The following BCLAF1 variants were observed in gnomAD, a reference collection of about 807,000 sequenced individuals.
BCLAF1 encodes the protein bcl-2-associated transcription factor 1.
A neutral mutation model predicts 99.5 loss-of-function variants in BCLAF1; 10 were observed. The observed-to-expected ratio is 0.10, with a 90% confidence interval of 0.06 to 0.17. The LOEUF is 0.17. Among genes scored for constraint, BCLAF1 ranks in the 10% least tolerant of loss-of-function variants. The probability of loss-of-function intolerance (pLI) is 1.00; values close to 1 mark genes in which losing one functional copy is unlikely to be tolerated. For missense variants in BCLAF1, 636 were observed against 1,105.8 expected (o/e 0.58, Z 6.02); for synonymous variants, 255 against 370.9 (o/e 0.69, Z 3.59).
rs1417616833 is a variant in BCLAF1 at position 136,259,704 on chromosome 6, C to A, written c.*1406G>T. ...TCTAGGTGCTAGACGCACTGCAAAT[C>A]CTCGAAAGTGTTTAAGATGAAAGAG... On this transcript the variant is annotated 3_prime_UTR_variant, in exon 13 of 13. Transcript: ENST00000531224. 6.6e-6 allele frequency: 1 copy of A among 151,900 alleles called. No homozygotes were observed. Among genetic ancestry groups the A allele is most frequent in the Non-Finnish European group, 1.5e-5 (1 of 67,890 alleles). The allele number at this position is 151,900 out of a possible 1,614,324, so 9.4% of individuals were successfully genotyped here. A position where few individuals can be genotyped will look rare whatever the true frequency, so the allele number is the denominator to read the frequency against.
chr6:136,266,189 T>C (rs367804705), intron 11 of BCLAF1, among the ~76,000 whole-genome samples: 10 of 152,250 alleles, frequency 6.6e-5, no homozygotes, highest in Admixed American at 2.0e-4. Flanking sequence ...GTCATGGACA[T>C]TCAGGTTTAT....
At chr6:136,285,068 T>C (rs542384189) in intron 1 of BCLAF1, among the ~76,000 whole-genome samples, 4 of 151,968 alleles carry the variant, frequency 2.6e-5, no homozygotes, top group African/African-American at 9.7e-5. Context: ...GGGTATGAAA[T>C]AGGGCAGCAG....
chr6:136,288,812 C>T (rs1031209442), intron 1 of BCLAF1, among the ~76,000 whole-genome samples: 2 of 152,214 alleles, frequency 1.3e-5, no homozygotes, highest in African/African-American at 4.8e-5. Context: ...ATTTCTCACA[C>T]CAGCTGTCCA....
At chr6:136,266,825 T>C (rs901152446) in intron 11 of BCLAF1, among the ~76,000 whole-genome samples, 1 of 152,058 alleles carries the variant, frequency 6.6e-6, no homozygotes, top group Non-Finnish European at 1.5e-5. Context: ...GATCAGCCTA[T>C]GTTTAATATC....
Position 136,257,643 on chromosome 6 carries a change from G to T in BCLAF1, c.*3467C>A, listed in dbSNP as rs1344249868. On this transcript the variant is annotated 3_prime_UTR_variant, in exon 13 of 13. Coordinates refer to ENST00000531224, the MANE Select transcript of BCLAF1 (RefSeq NM_014739.3). ...TTTAATAATAGTATCAACTATTTGAGAACTCTAAACATGTAATGGATATTA... is the reference window on the plus strand; with the variant it reads ...TTTAATAATAGTATCAACTATTTGATAACTCTAAACATGTAATGGATATTA... 1 of 152,078 alleles carries T rather than the reference G, an allele frequency of 6.6e-6. No individual in the cohort carries two copies. The highest frequency in any genetic ancestry group is 1.5e-5 in the Non-Finnish European group (1 of 67,956). The allele number at this position is 152,078 out of a possible 1,614,324, so 9.4% of individuals were successfully genotyped here.
At chr6:136,271,121 C>A (rs1240824851) in intron 8 of BCLAF1, among the ~76,000 whole-genome samples, 1 of 151,618 alleles carries the variant, frequency 6.6e-6, no homozygotes, top group African/African-American at 2.4e-5. Flanking sequence ...TTCAAAATAA[C>A]CCAATTATTC....
At chr6:136,273,371 G>A (rs142257137) in intron 6 of BCLAF1, 184 bp from the exon 7 acceptor site, 22 of 543,640 alleles carry the variant, frequency 4.0e-5, no homozygotes, top group South Asian at 1.6e-4. Flanking sequence ...AGAGTGTTTC[G>A]AAAGTTGCTC....
At chr6:136,262,094 A>G (rs1168954012) in intron 11 of BCLAF1, among the ~76,000 whole-genome samples, 2 of 152,142 alleles carry the variant, frequency 1.3e-5, no homozygotes, top group Non-Finnish European at 2.9e-5. Flanking sequence ...TCATCAATCT[A>G]AAGTACTGCA....
At position 136,276,111 on chromosome 6, in the gene BCLAF1, T is replaced by C. The variant is rs1157260943; in HGVS notation, c.1414A>G (p.Ser472Gly). ...TCTTTGTGCTTATCTTTTGTAGTGC[T>C]AGGCCTTTCCACTACATATCCAGTC... The part of the protein sequence containing the change: ...KETGYVVERP[S>G]TTKDKHKEED... The change falls in exon 5 of 13, where the codon AGC becomes GGC. Residue 472 changes from serine (S) to glycine (G), a missense_variant. Ser to Gly is a moderately conservative substitution (Grantham distance 56). Around this residue, in one of 9 missense-constraint regions of BCLAF1, gnomAD observed 186 missense variants for 275.3 expected, o/e 0.68. Transcript: ENST00000531224. The C allele has an allele frequency of 6.2e-7, 1 of 1,612,370 alleles. No individual in the cohort carries two copies. The highest frequency in any genetic ancestry group is 1.1e-5 in the South Asian group (1 of 90,756).
intron 1 of BCLAF1, among the ~76,000 whole-genome samples, 189 bp downstream of exon 1, chr6:136,289,524 G>A (rs1161769305): frequency 1.3e-5 from 2 of 152,144 alleles, no homozygotes; most frequent in African/African-American, 2.4e-5. Context: ...GCCCCCGCCC[G>A]GCCTTTTCGG....
rs1426040782 is a variant in BCLAF1, at chr6:136,258,919, C to A, written c.*2191G>T. On this transcript the variant is annotated 3_prime_UTR_variant, in exon 13 of 13. Coordinates refer to ENST00000531224, the MANE Select transcript of BCLAF1 (RefSeq NM_014739.3). Reference sequence around the variant, plus strand: ...ATATCCTTTGGTTCATTTTTATTGCCCCTCTCTAGGCAAAACAAAGTATGT... The same window carrying A: ...ATATCCTTTGGTTCATTTTTATTGCACCTCTCTAGGCAAAACAAAGTATGT... 3 of 152,362 alleles carry A rather than the reference C, an allele frequency of 2.0e-5. No homozygotes were observed. Among genetic ancestry groups the A allele is most frequent in the African/African-American group, 7.2e-5 (3 of 41,402 alleles). 9.4% of individuals were successfully genotyped at this position (152,362 alleles called of 1,614,324 possible).
chr6:136,287,076 G>T (rs1417477300), intron 1 of BCLAF1, among the ~76,000 whole-genome samples: 1 of 152,056 alleles, frequency 6.6e-6, no homozygotes, highest in East Asian at 1.9e-4. Flanking sequence ...GGAGGCAGAG[G>T]TTGCAGTCAG....
At chr6:136,279,553 C>T (rs1399950383) in intron 3 of BCLAF1, 1 of 377,890 alleles carries the variant, frequency 2.6e-6, no homozygotes, top group African/African-American at 2.1e-5. Context: ...GTCAGACTAA[C>T]TGGATTTCAA....
rs1434897305 is a variant in BCLAF1, at chr6:136,260,013, G to A, written c.*1097C>T. ...TCTACAAAAACTGCAACTGAAATGG[G>A]GGGGAAAAAGGTTAGATCAATGCCG... is the stretch of plus-strand genomic sequence containing the variant. On this transcript the variant is annotated 3_prime_UTR_variant, in exon 13 of 13. Coordinates refer to ENST00000531224, the MANE Select transcript of BCLAF1 (RefSeq NM_014739.3). 6.6e-6 allele frequency: 1 copy of A among 151,990 alleles called. No homozygotes were observed. Among genetic ancestry groups the A allele is most frequent in the South Asian group, 2.1e-4 (1 of 4,836 alleles). The allele number at this position is 151,990 out of a possible 1,614,324, so 9.4% of individuals were successfully genotyped here.
At chr6:136,276,895 A>G (rs762531822) in intron 4 of BCLAF1, among the ~76,000 whole-genome samples, 5 of 152,184 alleles carry the variant, frequency 3.3e-5, no homozygotes, top group Non-Finnish European at 4.4e-5. Context: ...AAAATTCCAG[A>G]TATTATCTAT....
intron 11 of BCLAF1, among the ~76,000 whole-genome samples, chr6:136,263,932 A>G (rs1451350703): frequency 2.0e-5 from 3 of 152,248 alleles, no homozygotes; most frequent in Non-Finnish European, 4.4e-5. Context: ...AGAATGCAAC[A>G]AAGATTACTA....
intron 8 of BCLAF1, among the ~76,000 whole-genome samples, chr6:136,271,065 A>G (rs1782456205): frequency 6.6e-6 from 1 of 151,810 alleles, no homozygotes; most frequent in Admixed American, 6.6e-5. Context: ...TTAAACTTGT[A>G]TACTACCACT....
intron 1 of BCLAF1, among the ~76,000 whole-genome samples, 174 bp from the exon 2 acceptor site, chr6:136,282,861 CT>C (rs1208997400): frequency 5.9e-5 from 9 of 152,136 alleles, no homozygotes; most frequent in African/African-American, 2.2e-4. Flanking sequence ...TAAAATTCAA[CT>C]TTTTTGTAAA....
At chr6:136,274,312 AAAG>A in intron 6 of BCLAF1, 2 of 315,302 alleles carry the variant, frequency 6.3e-6, no homozygotes, top group Non-Finnish European at 1.0e-5. Flanking sequence ...AAAAAAAAAA[AAAG>A]AAAAAAGAAA....
Sources: allele counts gnomAD v4.1 joint callset (sites outside exome capture counted in the v4.1 genomes callset), GRCh38; gene constraint gnomAD v4.1.1; regional missense constraint gnomAD v4.1.1; transcripts MANE v1.5; gene names NCBI Gene and HGNC (gene_info 2026-07-23, HGNC 2026-07-21).